The following PIK3AP1 variants were observed in gnomAD, a reference collection of about 807,000 sequenced individuals.
The protein encoded by PIK3AP1 is phosphoinositide-3-kinase adaptor protein 1, also known as phosphoinositide 3-kinase adapter protein 1.
In PIK3AP1, 21 loss-of-function variants were observed where a neutral mutation model predicts 88.1. The observed-to-expected ratio is 0.24, with a 90% CI of 0.17 to 0.34. PIK3AP1 has a LOEUF of 0.34. Ranked by LOEUF, PIK3AP1 falls within the 10% of genes least tolerant of loss-of-function variation. The probability of loss-of-function intolerance (pLI) is 1.00; values close to 1 mark genes in which losing one functional copy is unlikely to be tolerated. For missense variants in PIK3AP1, 828 were observed against 1,035.7 expected, an observed-to-expected ratio of 0.80 and a Z score of 2.75; for synonymous variants, 398 against 400.0, an observed-to-expected ratio of 1.00 and a Z score of 0.06.
At chr10:96,673,723 T>TG (rs1316644276) in intron 2 of PIK3AP1, among the ~76,000 whole-genome samples, 25 of 152,156 alleles carry the variant, frequency 1.6e-4, no homozygotes, top group South Asian at 4.1e-4. Context: ...ACAAATGGGC[T>TG]TTGTCTGGGG....
At chr10:96,708,693 A>G (rs1844398056) in intron 2 of PIK3AP1, among the ~76,000 whole-genome samples, 1 of 151,702 alleles carries the variant, frequency 6.6e-6, no homozygotes, top group South Asian at 2.1e-4. Flanking sequence ...TGTGTGTCAC[A>G]CTTCCTGGGG....
chr10:96,604,193 T>C (rs1405560755), intron 14 of PIK3AP1, 144 bp from the exon 15 acceptor site: 2 of 674,166 alleles, frequency 3.0e-6, no homozygotes, highest in African/African-American at 1.9e-5. Flanking sequence ...GGCCATCTTA[T>C]ACTTTTTGTT....
At chr10:96,648,264 A>T (rs1379325109) in intron 7 of PIK3AP1, among the ~76,000 whole-genome samples, 4 of 152,138 alleles carry the variant, frequency 2.6e-5, no homozygotes, top group Non-Finnish European at 5.9e-5. Flanking sequence ...GTGGGGGGAG[A>T]TGATCAGCCT....
At chr10:96,628,904 ATATGTG>A (rs1394180337) in intron 8 of PIK3AP1, among the ~76,000 whole-genome samples, 434 of 14,462 alleles carry the variant, frequency 0.03, 49 homozygotes, top group East Asian at 0.047. Context: ...ATATATATAT[ATATGTG>A]TATATATATA....
chr10:96,720,496 C>G lies in PIK3AP1; in HGVS notation c.-102G>C. ...GGCTGGAGGGGCGCCGGGCTCCGCGCGGGACCGGCCGCCGCTCTGGCGCTT... is the reference window on the plus strand; with the variant it reads ...GGCTGGAGGGGCGCCGGGCTCCGCGGGGGACCGGCCGCCGCTCTGGCGCTT... On this transcript the variant is annotated 5_prime_UTR_variant, in exon 1 of 17. Transcript: ENST00000339364. The surrounding 1 kb of genome is among the most constrained non-coding windows in gnomAD (Gnocchi z 4.6). The G allele has an allele frequency of 9.5e-7, 1 of 1,055,970 alleles. No individual in the cohort carries two copies. The highest frequency in any genetic ancestry group is 3.9e-5 in the East Asian group (1 of 25,690). 65.4% of individuals were successfully genotyped at this position (1,055,970 alleles called of 1,614,324 possible).
intron 2 of PIK3AP1, among the ~76,000 whole-genome samples, chr10:96,698,707 T>C (rs1844253842): frequency 6.6e-6 from 1 of 152,008 alleles, no homozygotes; most frequent in African/African-American, 2.4e-5. Context: ...CACTCCAGCT[T>C]GGGTGACAGA....
rs368827718 is a variant in PIK3AP1 at position 96,629,932 on chromosome 10, AG to A, written c.1376-1440del. On this transcript the variant is annotated intron_variant, in intron 8 of 16. Coordinates refer to ENST00000339364, the MANE Select transcript of PIK3AP1 (RefSeq NM_152309.3). ...ACCAAAAAAAAAAAAAAAAAAAAAA[AG>A]AAGAAGAAGAAGAAGAAGAAGAAGA... Among the ~76,000 whole-genome samples the A allele has an allele frequency of 4.4e-3, 443 of 100,504 alleles. 2 individuals carry two copies. The highest frequency in any genetic ancestry group is 8.4e-3 in the South Asian group (24 of 2,846). The allele number at this position is 100,504 out of a possible 152,430, so 65.9% of individuals were successfully genotyped here. A position where few individuals can be genotyped will look rare whatever the true frequency, so the allele number is the denominator to read the frequency against.
At chr10:96,653,838 T>C (rs889366312) in intron 3 of PIK3AP1, among the ~76,000 whole-genome samples, 6 of 152,244 alleles carry the variant, frequency 3.9e-5, no homozygotes, top group African/African-American at 1.4e-4. Context: ...TTGCATTGTT[T>C]TTAATGAAAT....
At chr10:96,672,251 C>T (rs528850350) in intron 2 of PIK3AP1, among the ~76,000 whole-genome samples, 7 of 152,298 alleles carry the variant, frequency 4.6e-5, no homozygotes, top group Admixed American at 2.6e-4. Flanking sequence ...CTGTGCCAGA[C>T]GCAGACTCCT....
chr10:96,626,845 T>A lies in PIK3AP1; in HGVS notation c.1532A>T (p.Asp511Val). ...ATCGTCATCCACCGTGTGATAAACA[T>A]CTTCTTCCTGACCAAGATGGCACTG... ...RDQCHLGQEE[D>V]VYHTVDDDEA... Residue 511 changes from aspartate to valine, a missense_variant, in exon 10 of 17, where the codon GAT (aspartate) becomes GTT (valine). This residue lies in a region of PIK3AP1 where 610 missense variants were observed against 760.1 expected (regional missense o/e 0.80). Coordinates refer to ENST00000339364, the MANE Select transcript of PIK3AP1 (RefSeq NM_152309.3). The A allele has an allele frequency of 1.9e-6, 3 of 1,614,172 alleles. No homozygotes were observed. The highest frequency in any genetic ancestry group is 2.5e-6 in the Non-Finnish European group (3 of 1,179,980).
intron 2 of PIK3AP1, among the ~76,000 whole-genome samples, chr10:96,658,085 A>G (rs1160429719): frequency 6.7e-6 from 1 of 150,104 alleles, no homozygotes; most frequent in African/African-American, 2.5e-5. Context: ...AAAAAAATAG[A>G]ATGGTTGAGA....
intron 11 of PIK3AP1, 129 bp downstream of exon 11, chr10:96,623,343 G>C (rs1221242726): frequency 1.1e-6 from 1 of 913,158 alleles, no homozygotes; most frequent in South Asian, 1.6e-5. Context: ...GACTACAGGC[G>C]TGAGCCATGA....
chr10:96,698,559 AAAACT>A (rs910020725), intron 2 of PIK3AP1, among the ~76,000 whole-genome samples: 12 of 151,424 alleles, frequency 7.9e-5, no homozygotes, highest in African/African-American at 1.7e-4. Context: ...AACTAAACTA[AAAACT>A]AAACTAAACT....
At chr10:96,664,541 T>G (rs1275324381) in intron 2 of PIK3AP1, among the ~76,000 whole-genome samples, 1 of 150,878 alleles carries the variant, frequency 6.6e-6, no homozygotes, top group Non-Finnish European at 1.5e-5. Flanking sequence ...ATCTATTAGC[T>G]AATCATTTTT....
At chr10:96,680,345 G>C (rs1020425218) in intron 2 of PIK3AP1, among the ~76,000 whole-genome samples, 5 of 152,064 alleles carry the variant, frequency 3.3e-5, no homozygotes, top group African/African-American at 9.6e-5. Flanking sequence ...TACATGTGCA[G>C]GTTTGTTATA....
chr10:96,695,681 T>C (rs998434814), intron 2 of PIK3AP1, among the ~76,000 whole-genome samples: 8 of 151,798 alleles, frequency 5.3e-5, no homozygotes, highest in Non-Finnish European at 8.8e-5. Context: ...ATTCCCAAAA[T>C]GACTAACCCA....
rs184534393 is a variant in PIK3AP1 at position 96,689,276 on chromosome 10, C to G, written c.430+20291G>C. 3.3e-3 allele frequency among the ~76,000 whole-genome samples: 502 copies of G among 152,042 alleles called. 9 individuals are homozygous for G. The highest frequency in any genetic ancestry group is 0.03 in the Admixed American group (454 of 15,254). ...CTTACCGATGCCTCTTAAAATCCAACCCTCCTGGCCGGGTGTGGTGGCTCA... is the reference window on the plus strand; with the variant it reads ...CTTACCGATGCCTCTTAAAATCCAAGCCTCCTGGCCGGGTGTGGTGGCTCA... On this transcript the variant is annotated intron_variant, in intron 2 of 16. Transcript: ENST00000339364.
At chr10:96,618,774 T>G (rs1266206766) in intron 12 of PIK3AP1, 1 of 152,200 alleles carries the variant, frequency 6.6e-6, no homozygotes, top group East Asian at 1.9e-4. Context: ...TCTAGAGCCC[T>G]GGCTGTTCTT....
rs371171010 is a variant in PIK3AP1 at position 96,663,104 on chromosome 10, G to GA, written c.431-6171dup. Reference sequence around the variant, plus strand: ...CAGGACAGGCAAATCTATAGAGACAGAAAGTAGATTAGTGGTTGCTTTGGG... The same window carrying GA: ...CAGGACAGGCAAATCTATAGAGACAGAAAAGTAGATTAGTGGTTGCTTTGGG... On this transcript the variant is annotated intron_variant, in intron 2 of 16. Coordinates refer to ENST00000339364, the MANE Select transcript of PIK3AP1 (RefSeq NM_152309.3). 3.2e-3 allele frequency among the ~76,000 whole-genome samples: 492 copies of GA among 152,098 alleles called. 3 individuals carry two copies. Among genetic ancestry groups the GA allele is most frequent in the African/African-American group, 0.011 (449 of 41,488 alleles).
Sources: gnomAD v4.1 joint callset for allele counts (sites outside exome capture counted in the v4.1 genomes callset) on GRCh38, gnomAD v4.1.1 for gene constraint, gnomAD v4.1.1 regional missense constraint, Gnocchi (gnomAD v3.1) non-coding constraint, MANE v1.5 for transcripts, NCBI Gene and HGNC (gene_info 2026-07-23, HGNC 2026-07-21) for gene names.